The following GBE1 variants were observed in gnomAD, a reference collection of about 807,000 sequenced individuals.
GBE1 encodes 1,4-alpha-glucan branching enzyme 1.
Under a neutral mutation model 88.8 loss-of-function variants are expected in GBE1, and 70 were observed. The ratio of observed to expected loss-of-function variants is 0.79; its 90% CI spans 0.65 to 0.96. The LOEUF is 0.96. Ranked by LOEUF, GBE1 falls within the 40% of genes least tolerant of loss-of-function variation. The pLI, the probability that GBE1 is intolerant of heterozygous loss-of-function variation, is 0.00. For synonymous variants in GBE1, 284 were observed against 300.1 expected (o/e 0.95, Z 0.56); for missense variants, 872 against 871.0 (o/e 1.00, Z -0.01).
intron 7 of GBE1, chr3:81,612,298 C>T (rs1049165765): frequency 4.9e-6 from 4 of 812,678 alleles, no homozygotes; most frequent in South Asian, 4.8e-5. Context: ...CTTTATTCTG[C>T]GTTTGACTTT....
chr3:81,707,717 T>G (rs752646122), intron 1 of GBE1, among the ~76,000 whole-genome samples: 8 of 152,104 alleles, frequency 5.3e-5, no homozygotes, highest in South Asian at 2.1e-4. Flanking sequence ...TCTTTATTAA[T>G]CTTAGATGAG....
rs888194841 is a variant in GBE1 at position 81,490,922 on chromosome 3, ACT to A, written c.2053-461_2053-460del. ...CTGAAATGTAATACAAGGAATCCTAACTCTCAATTTAAACCAATGAATAAGCT... is the reference window on the plus strand; with the variant it reads ...CTGAAATGTAATACAAGGAATCCTAACTCAATTTAAACCAATGAATAAGCT... On this transcript the variant is annotated intron_variant, in intron 15 of 15. Coordinates refer to ENST00000429644, the MANE Select transcript of GBE1 (RefSeq NM_000158.4). Among the ~76,000 whole-genome samples, 4 of 152,010 alleles carry A rather than the reference ACT, an allele frequency of 2.6e-5. No individual in the cohort carries two copies. In the East Asian group the frequency reaches 7.7e-4, roughly 29 times the overall value.
intron 12 of GBE1, among the ~76,000 whole-genome samples, chr3:81,537,332 C>T (rs1180026689): frequency 6.6e-6 from 1 of 151,992 alleles, no homozygotes. Flanking sequence ...CTGCTCATTA[C>T]TTGTTGCACA....
At chr3:81,740,766 G>GCGCACACACACA (rs1553695737) in intron 1 of GBE1, among the ~76,000 whole-genome samples, 1 of 149,192 alleles carries the variant, frequency 6.7e-6, no homozygotes, top group Non-Finnish European at 1.5e-5. Flanking sequence ...GTTAGAAAGT[G>GCGCACACACACA]CACACACACA....
intron 1 of GBE1, among the ~76,000 whole-genome samples, chr3:81,739,700 G>A (rs1351909514): frequency 6.6e-6 from 1 of 152,034 alleles, no homozygotes; most frequent in Admixed American, 6.6e-5. Flanking sequence ...TTATTGAGAG[G>A]TTTCATTACT....
At chr3:81,680,440 G>A (rs553484358) in intron 2 of GBE1, among the ~76,000 whole-genome samples, 2 of 148,728 alleles carry the variant, frequency 1.3e-5, no homozygotes, top group Non-Finnish European at 3.0e-5. Flanking sequence ...AGCTTGCAGT[G>A]AGCTGAGATC....
chr3:81,542,358 T>C (rs1703154215), intron 12 of GBE1, among the ~76,000 whole-genome samples: 1 of 152,100 alleles, frequency 6.6e-6, no homozygotes, highest in South Asian at 2.1e-4. Context: ...ACCTGTCTGA[T>C]ATTTCCCTAA....
intron 14 of GBE1, among the ~76,000 whole-genome samples, chr3:81,510,265 A>G (rs1702707214): frequency 1.3e-5 from 2 of 152,146 alleles, no homozygotes; most frequent in African/African-American, 2.4e-5. Flanking sequence ...AAACTTTAAT[A>G]TATTTAAAAT....
In GBE1 at chr3:81,701,608, C is replaced by A. The variant is rs185964954; in HGVS notation, c.313+3836G>T. On this transcript the variant is annotated intron_variant, in intron 2 of 15. Transcript: ENST00000429644. ...AATCTAGTTAGTACCTAGAGCAAAC[C>A]AGTCAGGCAGTTAAAACAATTATGA... Among the ~76,000 whole-genome samples, 11 of 151,834 alleles carry A rather than the reference C, an allele frequency of 7.2e-5. No homozygotes were observed. The East Asian group carries it at 2.1e-3, about 29-fold the overall frequency.
At chr3:81,735,139 T>C (rs1292781777) in intron 1 of GBE1, among the ~76,000 whole-genome samples, 1 of 152,110 alleles carries the variant, frequency 6.6e-6, no homozygotes, top group African/African-American at 2.4e-5. Flanking sequence ...ATATCCCCCA[T>C]GGACATGGGG....
intron 7 of GBE1, among the ~76,000 whole-genome samples, chr3:81,617,045 T>C (rs1704257663): frequency 6.6e-6 from 1 of 151,974 alleles, no homozygotes; most frequent in Non-Finnish European, 1.5e-5. Flanking sequence ...ACCTGTTCAT[T>C]ACTAGTATAT....
At chr3:81,555,831 T>C (rs1399128556) in intron 12 of GBE1, among the ~76,000 whole-genome samples, 1 of 152,198 alleles carries the variant, frequency 6.6e-6, no homozygotes. Flanking sequence ...ATAATTTTTT[T>C]AGCTGGATAA....
At chr3:81,626,907 A>C (rs1406687209) in intron 7 of GBE1, among the ~76,000 whole-genome samples, 1 of 152,144 alleles carries the variant, frequency 6.6e-6, no homozygotes, top group African/African-American at 2.4e-5. Context: ...AATTTGATTT[A>C]ATTTGGGGTT....
intron 7 of GBE1, among the ~76,000 whole-genome samples, chr3:81,615,041 TG>T (rs1197361147): frequency 6.6e-6 from 1 of 152,076 alleles, no homozygotes; most frequent in African/African-American, 2.4e-5. Flanking sequence ...AAAAAAGTTT[TG>T]TATTGTTTTA....
In GBE1 at chr3:81,532,510, A is replaced by G. The variant is rs549586439; in HGVS notation, c.1934+2685T>C. On this transcript the variant is annotated intron_variant, in intron 14 of 15. Transcript: ENST00000429644. Reference sequence around the variant, plus strand: ...TATTCTATTGACATTACTTTAGTTCATGCCCTAATTATCTTTTAGGTGTAC... The same window carrying G: ...TATTCTATTGACATTACTTTAGTTCGTGCCCTAATTATCTTTTAGGTGTAC... Among the ~76,000 whole-genome samples, 7 of 152,150 alleles carry G rather than the reference A, an allele frequency of 4.6e-5. No individual in the cohort carries two copies. In the East Asian group the frequency reaches 1.4e-3, roughly 30 times the overall value.
intron 15 of GBE1, among the ~76,000 whole-genome samples, chr3:81,493,727 G>A (rs140575781): frequency 1.3e-5 from 2 of 151,752 alleles, no homozygotes; most frequent in Non-Finnish European, 2.9e-5. Flanking sequence ...GTAGACACGG[G>A]GTTTCTCCAT....
At chr3:81,580,879 T>C (rs1013612997) in intron 11 of GBE1, among the ~76,000 whole-genome samples, 2 of 152,070 alleles carry the variant, frequency 1.3e-5, no homozygotes, top group African/African-American at 2.4e-5. Context: ...GGAAAACATA[T>C]AATACTTGCA....
chr3:81,504,554 C>T (rs865865142), intron 14 of GBE1, among the ~76,000 whole-genome samples: 23 of 151,876 alleles, frequency 1.5e-4, no homozygotes, highest in Middle Eastern at 6.8e-3. Flanking sequence ...GTTTGGATAG[C>T]ATTTTAAAAT....
At chr3:81,750,645 GTATATATA>G (rs557781058) in intron 1 of GBE1, among the ~76,000 whole-genome samples, 4 of 47,720 alleles carry the variant, frequency 8.4e-5, no homozygotes, top group Admixed American at 5.6e-4. Flanking sequence ...ATATATATAT[GTATATATA>G]TATATGTATA....
Sources: gnomAD v4.1 joint callset for allele counts (sites outside exome capture counted in the v4.1 genomes callset) on GRCh38, gnomAD v4.1.1 for gene constraint, MANE v1.5 for transcripts, NCBI Gene and HGNC (gene_info 2026-07-23, HGNC 2026-07-21) for gene names.